The following CHCHD6 variants were observed in gnomAD, a reference collection of about 807,000 sequenced individuals.
CHCHD6 encodes coiled-coil-helix-coiled-coil-helix domain containing 6, also known as MICOS complex subunit MIC25.
A neutral mutation model predicts 32.3 loss-of-function variants in CHCHD6; 28 were observed. The observed-to-expected ratio is 0.87, with a 90% CI of 0.64 to 1.19. The LOEUF (loss-of-function observed/expected upper bound fraction) is 1.19, where lower values mean the gene tolerates loss of function less well. Among genes scored for constraint, CHCHD6 ranks in the 50% most tolerant of loss-of-function variants. The probability of loss-of-function intolerance (pLI) is 0.00; values close to 1 mark genes in which losing one functional copy is unlikely to be tolerated. For synonymous variants in CHCHD6, 122 were observed against 117.5 expected (o/e 1.04, Z -0.25); for missense variants, 333 against 307.0 (o/e 1.08, Z -0.63).
At chr3:126,840,710 G>T (rs1228076316) in intron 4 of CHCHD6, among the ~76,000 whole-genome samples, 1 of 151,698 alleles carries the variant, frequency 6.6e-6, no homozygotes. Flanking sequence ...AATAATTCTT[G>T]GCTGCCATTT....
chr3:126,942,070 G>T (rs1403864316), intron 6 of CHCHD6, among the ~76,000 whole-genome samples: 2 of 152,154 alleles, frequency 1.3e-5, no homozygotes, highest in South Asian at 2.1e-4. Context: ...TGTAGGGAGA[G>T]CCCCAGCCCT....
intron 4 of CHCHD6, among the ~76,000 whole-genome samples, chr3:126,772,532 G>A (rs1937562514): frequency 6.6e-6 from 1 of 152,090 alleles, no homozygotes; most frequent in African/African-American, 2.4e-5. Flanking sequence ...TTTAAAGTCT[G>A]TTTTCTCTTA....
At chr3:126,902,021 G>A (rs553666533) in intron 5 of CHCHD6, among the ~76,000 whole-genome samples, 10 of 152,310 alleles carry the variant, frequency 6.6e-5, no homozygotes, top group South Asian at 6.2e-4. Context: ...TAAGTAATTC[G>A]TCCTAAGGCA....
intron 5 of CHCHD6, among the ~76,000 whole-genome samples, chr3:126,909,042 C>T (rs1329911940): frequency 6.6e-6 from 1 of 152,334 alleles, no homozygotes; most frequent in East Asian, 1.9e-4. Context: ...TCTTTCTTTG[C>T]TATTAGACAT....
chr3:126,772,579 A>G (rs1401847630), intron 4 of CHCHD6, among the ~76,000 whole-genome samples: 1 of 151,566 alleles, frequency 6.6e-6, no homozygotes. Context: ...TTTGTTTTCC[A>G]TTTGCTTGGT....
At chr3:126,732,983 C>T (rs1559810892) in intron 3 of CHCHD6, 95 bp from the exon 4 acceptor site, 2 of 1,393,922 alleles carry the variant, frequency 1.4e-6, no homozygotes, top group East Asian at 4.6e-5. Context: ...TCAGCATTTC[C>T]CTGGTGGCTG....
At chr3:126,720,097 G>A (rs903722816) in intron 1 of CHCHD6, among the ~76,000 whole-genome samples, 2 of 152,136 alleles carry the variant, frequency 1.3e-5, no homozygotes, top group East Asian at 1.9e-4. Context: ...GACCAGGCTG[G>A]TCTTGAACTC....
intron 2 of CHCHD6, among the ~76,000 whole-genome samples, chr3:126,729,453 G>A (rs913938865): frequency 2.0e-5 from 3 of 152,120 alleles, no homozygotes; most frequent in Non-Finnish European, 2.9e-5. Flanking sequence ...TGGCAGCCCC[G>A]TTATTTTTGT....
intron 4 of CHCHD6, among the ~76,000 whole-genome samples, chr3:126,798,015 G>A (rs566823000): frequency 6.6e-6 from 1 of 152,320 alleles, no homozygotes; most frequent in South Asian, 2.1e-4. Context: ...ATGTGCTAAT[G>A]TGCATTTCAC....
intron 5 of CHCHD6, among the ~76,000 whole-genome samples, chr3:126,908,923 C>G (rs1576587617): frequency 1.3e-5 from 2 of 152,214 alleles, no homozygotes; most frequent in South Asian, 4.1e-4. Flanking sequence ...GGTTACACAC[C>G]CGGAAGAGGT....
At chr3:126,868,280 G>C (rs1576529401) in intron 5 of CHCHD6, among the ~76,000 whole-genome samples, 1 of 152,360 alleles carries the variant, frequency 6.6e-6, no homozygotes, top group Middle Eastern at 3.4e-3. Flanking sequence ...CTGGGCTGAG[G>C]TGGATGGACG....
At chr3:126,866,009 G>A (rs555156533) in intron 5 of CHCHD6, among the ~76,000 whole-genome samples, 1 of 152,252 alleles carries the variant, frequency 6.6e-6, no homozygotes, top group Admixed American at 6.5e-5. Flanking sequence ...CTGATGGTGG[G>A]GTTGGGGAGT....
At chr3:126,836,667 C>T (rs887852530) in intron 4 of CHCHD6, among the ~76,000 whole-genome samples, 10 of 152,160 alleles carry the variant, frequency 6.6e-5, no homozygotes, top group Non-Finnish European at 5.9e-5. Context: ...CCGGGAGAGG[C>T]AAAGCGCTGT....
chr3:126,725,852 CT>C (rs1243321785), intron 1 of CHCHD6, among the ~76,000 whole-genome samples: 1 of 152,238 alleles, frequency 6.6e-6, no homozygotes, highest in Non-Finnish European at 1.5e-5. Context: ...TTCCTCACCT[CT>C]CTCAGCCTTG....
chr3:126,714,531 G>A (rs929524517), intron 1 of CHCHD6, among the ~76,000 whole-genome samples: 1 of 152,108 alleles, frequency 6.6e-6, no homozygotes, highest in Non-Finnish European at 1.5e-5. Flanking sequence ...ACGGGGTTGG[G>A]CAACACCTCT....
chr3:126,882,559 C>A (rs934368928), intron 5 of CHCHD6, among the ~76,000 whole-genome samples: 3 of 152,174 alleles, frequency 2.0e-5, no homozygotes, highest in Non-Finnish European at 4.4e-5. Context: ...ATCATGATAG[C>A]TGCAATTCAT....
chr3:126,910,296 C>CAAAAAAAAAAAAACAAAAA (rs1576589531), intron 5 of CHCHD6, among the ~76,000 whole-genome samples: 2 of 46,516 alleles, frequency 4.3e-5, no homozygotes, highest in Admixed American at 2.2e-4. Flanking sequence ...ACAAAAAAAA[C>CAAAAAAAAAAAAACAAAAA]AAATCTTCCC....
intron 4 of CHCHD6, among the ~76,000 whole-genome samples, chr3:126,756,178 A>G (rs1183031942): frequency 6.6e-6 from 1 of 151,938 alleles, no homozygotes; most frequent in African/African-American, 2.4e-5. Flanking sequence ...CCCTCTGCCC[A>G]CCCCTACCTC....
Position 126,957,435 on chromosome 3 carries a change from G to T in CHCHD6, c.586G>T (p.Val196Phe), listed in dbSNP as rs147458095. The T allele has an allele frequency of 3.3e-5, 53 of 1,611,420 alleles. No individual in the cohort carries two copies. The South Asian group carries it at 5.3e-4, about 16-fold the overall frequency. The change falls in exon 7 of 8, where the codon GTC becomes TTC. Residue 196 changes from valine (V) to phenylalanine (F), a missense_variant. Physicochemically the swap from Val to Phe is conservative, Grantham distance 50. Transcript: ENST00000290913. The stretch of plus-strand genomic sequence containing the variant: ...CTGCAGGCCCCGCAGGGTGGAGCCC[G>T]TCTGCTCAGGGTTGCAGGCCCAGAT... ...STIKPRRVEP[V>F]CSGLQAQILH...
Sources: gnomAD v4.1 joint callset for allele counts (sites outside exome capture counted in the v4.1 genomes callset) on GRCh38, gnomAD v4.1.1 for gene constraint, MANE v1.5 for transcripts, NCBI Gene and HGNC (gene_info 2026-07-23, HGNC 2026-07-21) for gene names.